Variants in RFX2 observed in about 807,000 individuals in gnomAD.
The protein encoded by RFX2 is DNA-binding protein RFX2.
Under a neutral mutation model 87.8 loss-of-function variants are expected in RFX2, and 20 were observed. The ratio of observed to expected loss-of-function variants is 0.23; its 90% CI spans 0.16 to 0.33. The LOEUF is 0.33. Among genes scored for constraint, RFX2 ranks in the 10% least tolerant of loss-of-function variants. The pLI is 1.00. For synonymous variants in RFX2, 397 were observed against 431.3 expected (o/e 0.92, Z 0.98); for missense variants, 767 against 1,012.3 (o/e 0.76, Z 3.29).
At position 6,045,471 on chromosome 19, in the gene RFX2, C is replaced by T. The variant is rs577163916; in HGVS notation, c.91-1189G>A. ...CCTCTTGGACAATTTCAAGTGGGCA[C>T]GGAAACATATCAATTAGGCCACAAC... On this transcript the variant is annotated intron_variant, in intron 2 of 17. Transcript: ENST00000303657. The surrounding 1 kb of genome is among the most constrained non-coding windows in gnomAD (Gnocchi z 5.2). Among the ~76,000 whole-genome samples, 174 of 152,206 alleles carry T rather than the reference C, an allele frequency of 1.1e-3. No individual in the cohort carries two copies. The highest frequency in any genetic ancestry group is 8.4e-4 in the Non-Finnish European group (57 of 68,010).
At chr19:6,089,762 A>G (rs2087907529) in intron 1 of RFX2, among the ~76,000 whole-genome samples, 1 of 152,128 alleles carries the variant, frequency 6.6e-6, no homozygotes, top group Non-Finnish European at 1.5e-5. Flanking sequence ...GCCAGTCTCT[A>G]ATATTTTTGT....
intron 15 of RFX2, among the ~76,000 whole-genome samples, chr19:6,000,431 A>G (rs540723012): frequency 7.2e-5 from 11 of 152,368 alleles, no homozygotes; most frequent in Non-Finnish European, 1.5e-4. Flanking sequence ...TATTTGCACA[A>G]TGGGCTGGGG....
At chr19:6,068,963 C>T (rs1302496335) in intron 1 of RFX2, among the ~76,000 whole-genome samples, 1 of 152,162 alleles carries the variant, frequency 6.6e-6, no homozygotes, top group Non-Finnish European at 1.5e-5. Context: ...GCAAAGCCGT[C>T]AGACTCTGGA....
intron 1 of RFX2, among the ~76,000 whole-genome samples, chr19:6,066,657 A>T (rs755936815): frequency 6.6e-6 from 1 of 152,226 alleles, no homozygotes; most frequent in Non-Finnish European, 1.5e-5. Context: ...TCTTTCAAGC[A>T]GATCCCGAGT....
intron 1 of RFX2, among the ~76,000 whole-genome samples, chr19:6,068,599 G>A (rs533490988): frequency 6.6e-5 from 10 of 152,322 alleles, no homozygotes; most frequent in African/African-American, 2.2e-4. Context: ...GTGTGGGACG[G>A]AGCTGTCCAG....
In RFX2 at chr19:5,997,107, G is replaced by A. The variant is rs770125931; in HGVS notation, c.1966C>T (p.Arg656Cys). 9 of 1,613,456 alleles carry A rather than the reference G, an allele frequency of 5.6e-6. No individual in the cohort carries two copies. Among genetic ancestry groups the A allele is most frequent in the Non-Finnish European group, 6.8e-6 (8 of 1,179,984 alleles). ...GTCTCTCCGGTGGCCTCCGCGACGC[G>A]GTGCTCCACCAGGTAGAACATGTAC... ...DEYMFYLVEHRVAEATGETPI... is the reference protein window; with the variant it reads ...DEYMFYLVEHCVAEATGETPI... Residue 656 changes from arginine to cysteine, a missense_variant, in exon 16 of 18, where the codon CGC becomes TGC. Arg to Cys is a radical substitution (Grantham distance 180). This residue lies in a region of RFX2 where 621 missense variants were observed against 873.0 expected (regional missense o/e 0.71). Transcript: ENST00000303657. This position sits in a 1 kb window ranked among gnomAD's most constrained non-coding sequence, Gnocchi z 4.2.
Position 6,002,144 on chromosome 19 carries a change from C to T in RFX2, c.1651-121G>A. ...GTGCTTGAGCCTTCTCGCCCTTGAC[C>T]TTGACAGCTGCAAGCCAAGTCCTGT... is the stretch of plus-strand genomic sequence containing the variant. On this transcript the variant is annotated intron_variant, in intron 14 of 17. Coordinates refer to ENST00000303657, the MANE Select transcript of RFX2 (RefSeq NM_000635.4). This position sits in a 1 kb window ranked among gnomAD's most constrained non-coding sequence, Gnocchi z 6.7. 1.2e-6 allele frequency: 1 copy of T among 847,562 alleles called. No homozygotes were observed. Among genetic ancestry groups the T allele is most frequent in the South Asian group, 1.9e-5 (1 of 52,360 alleles). The allele number at this position is 847,562 out of a possible 1,614,324, so 52.5% of individuals were successfully genotyped here.
chr19:6,062,679 A>G (rs2087453141), intron 1 of RFX2, among the ~76,000 whole-genome samples: 1 of 152,232 alleles, frequency 6.6e-6, no homozygotes. Flanking sequence ...TGGAGCTATC[A>G]TGAACTGATA....
chr19:6,097,642 G>A (rs1023122882), intron 1 of RFX2, among the ~76,000 whole-genome samples: 2 of 152,132 alleles, frequency 1.3e-5, no homozygotes, highest in African/African-American at 4.8e-5. Context: ...CCAGGCTGGA[G>A]TGCAGTGGTG....
Position 6,034,508 on chromosome 19 carries a change from T to C in RFX2, c.522+5472A>G, listed in dbSNP as rs549517352. Reference sequence around the variant, plus strand: ...TCCCAAAGTGCTGGGATTACAGGCATGAGCCACCATACCAGCCCAATTTTT... The same window carrying C: ...TCCCAAAGTGCTGGGATTACAGGCACGAGCCACCATACCAGCCCAATTTTT... On this transcript the variant is annotated intron_variant, in intron 5 of 17. Coordinates refer to ENST00000303657, the MANE Select transcript of RFX2 (RefSeq NM_000635.4). Among the ~76,000 whole-genome samples, 40 of 152,264 alleles carry C rather than the reference T, an allele frequency of 2.6e-4. No homozygotes were observed. In the South Asian group the frequency reaches 8.1e-3, roughly 31 times the overall value.
Position 6,007,156 on chromosome 19 carries a change from G to A in RFX2, c.1258C>T (p.Pro420Ser). ...TCCTTGGGCAGGACGGCGCCCTCGGGGTCTTCGTCACTGTGGAGGGAGGGG... is the reference window on the plus strand; with the variant it reads ...TCCTTGGGCAGGACGGCGCCCTCGGAGTCTTCGTCACTGTGGAGGGAGGGG... Reference protein sequence around the residue: ...PTSLPASDEDPEGAVLPKDKL... With the variant: ...PTSLPASDEDSEGAVLPKDKL... Residue 420 changes from proline (P) to serine (S), a missense_variant, in exon 12 of 18, where the codon CCC becomes TCC. Around this residue, in one of 2 missense-constraint regions of RFX2, gnomAD observed 621 missense variants for 873.0 expected, o/e 0.71. Transcript: ENST00000303657. The surrounding 1 kb of genome is among the most constrained non-coding windows in gnomAD (Gnocchi z 8.2). 6.2e-7 allele frequency: 1 copy of A among 1,613,684 alleles called. No homozygotes were observed. The highest frequency in any genetic ancestry group is 2.2e-5 in the East Asian group (1 of 44,864).
At chr19:6,069,506 A>C (rs975484260) in intron 1 of RFX2, among the ~76,000 whole-genome samples, 1 of 152,220 alleles carries the variant, frequency 6.6e-6, no homozygotes, top group Non-Finnish European at 1.5e-5. Flanking sequence ...TAAAACCATA[A>C]GACTATCTGG....
intron 1 of RFX2, among the ~76,000 whole-genome samples, chr19:6,105,579 G>A (rs115178519): frequency 0.022 from 3,411 of 152,140 alleles, 118 homozygotes; most frequent in African/African-American, 0.078. Context: ...TTAACATGAC[G>A]CCGCCTCTCC....
chr19:6,079,847 T>C (rs547368438), intron 1 of RFX2, among the ~76,000 whole-genome samples: 153 of 147,554 alleles, frequency 1.0e-3, no homozygotes, highest in African/African-American at 3.6e-3. Flanking sequence ...GATTGCACCA[T>C]TGCACTCCAG....
chr19:6,018,528 T>C (rs1437553294), intron 6 of RFX2, among the ~76,000 whole-genome samples: 2 of 152,210 alleles, frequency 1.3e-5, no homozygotes, highest in Non-Finnish European at 2.9e-5. Flanking sequence ...CGGAGGTCTC[T>C]TAAGCCGAAT....
Position 6,022,675 on chromosome 19 carries a change from C to T in RFX2, c.597+3488G>A, listed in dbSNP as rs1024337721. On this transcript the variant is annotated intron_variant, in intron 6 of 17. Transcript: ENST00000303657. The surrounding 1 kb of genome is among the most constrained non-coding windows in gnomAD (Gnocchi z 6.2). ...GAAGAGCTAATCCCCATTTTCACGGCGCCATATCATGCCCTTTTCCAGTTT... is the reference window on the plus strand; with the variant it reads ...GAAGAGCTAATCCCCATTTTCACGGTGCCATATCATGCCCTTTTCCAGTTT... Among the ~76,000 whole-genome samples, 4 of 152,220 alleles carry T rather than the reference C, an allele frequency of 2.6e-5. No individual in the cohort carries two copies. The highest frequency in any genetic ancestry group is 4.1e-4 in the South Asian group (2 of 4,838).
Position 6,039,656 on chromosome 19 carries a change from G to C in RFX2, c.522+324C>G, listed in dbSNP as rs73541908. 0.017 allele frequency among the ~76,000 whole-genome samples: 2,600 copies of C among 152,280 alleles called. 87 individuals are homozygous for C. Among genetic ancestry groups the C allele is most frequent in the African/African-American group, 0.06 (2,493 of 41,542 alleles). Reference sequence around the variant, plus strand: ...CCTCTAAAAGCTTGATAGTAACAACGATAACAATAATAAGAGCAAAGGAGG... The same window carrying C: ...CCTCTAAAAGCTTGATAGTAACAACCATAACAATAATAAGAGCAAAGGAGG... On this transcript the variant is annotated intron_variant, in intron 5 of 17. Coordinates refer to ENST00000303657, the MANE Select transcript of RFX2 (RefSeq NM_000635.4). This position sits in a 1 kb window ranked among gnomAD's most constrained non-coding sequence, Gnocchi z 5.2.
At chr19:6,054,302 G>A (rs906849849) in intron 1 of RFX2, among the ~76,000 whole-genome samples, 57 of 152,154 alleles carry the variant, frequency 3.7e-4, no homozygotes, top group African/African-American at 1.3e-3. Flanking sequence ...AGTTTTACTG[G>A]TGAATGCTAT....
chr19:6,008,552 T>C (rs2086619856), intron 9 of RFX2, among the ~76,000 whole-genome samples: 1 of 151,992 alleles, frequency 6.6e-6, no homozygotes, highest in Non-Finnish European at 1.5e-5. Flanking sequence ...TTGCATTTTT[T>C]AGTAGAGACA....
Sources: allele counts gnomAD v4.1 joint callset (sites outside exome capture counted in the v4.1 genomes callset), GRCh38; gene constraint gnomAD v4.1.1; regional missense constraint gnomAD v4.1.1; non-coding constraint Gnocchi (gnomAD v3.1); transcripts MANE v1.5; gene names NCBI Gene and HGNC (gene_info 2026-07-23, HGNC 2026-07-21).